Variants in SPATA46 observed in about 807,000 individuals in gnomAD.
SPATA46 encodes spermatogenesis associated 46, also known as spermatogenesis-associated protein 46.
SPATA46 carries 3 observed loss-of-function variants against 6.2 expected under a neutral mutation model. The ratio of observed to expected loss-of-function variants is 0.48; its 90% CI spans 0.22 to 1.25. The LOEUF is 1.25. Ranked by LOEUF, SPATA46 falls within the 50% of genes most tolerant of loss-of-function variation. SPATA46 has a pLI of 0.20. For synonymous variants in SPATA46, 117 were observed against 123.3 expected (o/e 0.95, Z 0.34); for missense variants, 308 against 323.5 (o/e 0.95, Z 0.37).
rs746727439 is a variant in SPATA46, at chr1:162,374,143, G to GC, written c.690dup (p.Leu231AlafsTer15). 1.9e-6 allele frequency: 3 copies of GC among 1,614,258 alleles called. No homozygotes were observed. The highest frequency in any genetic ancestry group is 2.5e-6 in the Non-Finnish European group (3 of 1,180,046). On this transcript the variant is annotated frameshift_variant, in exon 3 of 3. Coordinates refer to ENST00000367935, the MANE Select transcript of SPATA46 (RefSeq NM_182581.4). LOFTEE classifies it low-confidence loss of function (END_TRUNC). ...CTGCCGGAGGAGAGCCTGTCTCCCA[G>GC]CCGGGCCTTCTGCTCCTTGCTCCAG...
rs770389417 is a variant in SPATA46 at position 162,374,178 on chromosome 1, A to C, written c.656T>G (p.Leu219Arg). 1.2e-6 allele frequency: 2 copies of C among 1,614,190 alleles called. No homozygotes were observed. The highest frequency in any genetic ancestry group is 1.7e-6 in the Non-Finnish European group (2 of 1,180,040). ...GFSCKVYYRK[L>R]KALWSKEQKA... ...CTGCTCCTTGCTCCAGAGGGCTTTG[A>C]GCTTGCGGTAGTACACCTTGCAGCT... Residue 219 changes from leucine to arginine, a missense_variant, in exon 3 of 3, where the codon CTC (leucine) becomes CGC (arginine). By Grantham distance (102) the Leu-to-Arg change is moderately radical. Transcript: ENST00000367935.
intron 1 of SPATA46, 118 bp from the exon 2 acceptor site, chr1:162,375,521 C>T: frequency 1.3e-6 from 1 of 741,654 alleles, no homozygotes; most frequent in Non-Finnish European, 2.3e-6. Context: ...AACGCTGAAA[C>T]AGAACAGTGA....
Position 162,373,715 on chromosome 1 carries a change from C to A in SPATA46, c.*333G>T. 4.7e-6 allele frequency: 1 copy of A among 214,268 alleles called. No individual in the cohort carries two copies. The highest frequency in any genetic ancestry group is 9.2e-6 in the Non-Finnish European group (1 of 108,850). 13.3% of individuals were successfully genotyped at this position (214,268 alleles called of 1,614,324 possible). On this transcript the variant is annotated 3_prime_UTR_variant, in exon 3 of 3. Transcript: ENST00000367935. ...AGCAGTGCTTCTCACAGCTGAGCTGCATCAGAGTCACCTGGAGGGCTGGTT... is the reference window on the plus strand; with the variant it reads ...AGCAGTGCTTCTCACAGCTGAGCTGAATCAGAGTCACCTGGAGGGCTGGTT...
chr1:162,374,512 C>G lies in SPATA46; in HGVS notation c.322G>C (p.Glu108Gln), dbSNP rs1173866712. 6.2e-7 allele frequency: 1 copy of G among 1,614,238 alleles called. No individual in the cohort carries two copies. Among genetic ancestry groups the G allele is most frequent in the Admixed American group, 1.7e-5 (1 of 60,026 alleles). Residue 108 changes from glutamate (E) to glutamine (Q), a missense_variant, in exon 3 of 3, where the codon GAG becomes CAG. Physicochemically the swap from Glu to Gln is conservative, Grantham distance 29. Transcript: ENST00000367935. ...PYSYFVCADK[E>Q]SQLEAYDFPE... The stretch of plus-strand genomic sequence containing the variant: ...AAGTCATAGGCCTCCAGCTGGCTCT[C>G]TTTGTCTGCACACACGAAGTAGCTG...
chr1:162,375,786 C>G (rs987713372), intron 1 of SPATA46, among the ~76,000 whole-genome samples: 6 of 152,168 alleles, frequency 3.9e-5, no homozygotes, highest in Admixed American at 3.9e-4. Context: ...ATGTTCCATG[C>G]CCGCTTTGAG....
At position 162,373,914 on chromosome 1, in the gene SPATA46, G is replaced by T; in HGVS notation, c.*134C>A. On this transcript the variant is annotated 3_prime_UTR_variant, in exon 3 of 3. Coordinates refer to ENST00000367935, the MANE Select transcript of SPATA46 (RefSeq NM_182581.4). Reference sequence around the variant, plus strand: ...CTTTATTTTTAAAAGAGAGAAAGGGGAGGGTGTGTGCCTGGTGTTGCTAGG... The same window carrying T: ...CTTTATTTTTAAAAGAGAGAAAGGGTAGGGTGTGTGCCTGGTGTTGCTAGG... 3.7e-6 allele frequency: 3 copies of T among 812,580 alleles called. No homozygotes were observed. Among genetic ancestry groups the T allele is most frequent in the Non-Finnish European group, 5.9e-6 (3 of 511,632 alleles). 50.3% of individuals were successfully genotyped at this position (812,580 alleles called of 1,614,324 possible).
Position 162,374,351 on chromosome 1 carries a change from C to T in SPATA46, c.483G>A (p.Leu161=). Residue 161 remains leucine, a synonymous_variant, in exon 3 of 3, where the codon CTG becomes CTA. Coordinates refer to ENST00000367935, the MANE Select transcript of SPATA46 (RefSeq NM_182581.4). ...REATKKSRHG[L]DSITSQDILM... is the part of the protein sequence containing the mutation. ...GGATGTCCTGGGATGTGATGGAGTCCAGGCCATGCCTGGATTTCTTGGTGG... is the reference window on the plus strand; with the variant it reads ...GGATGTCCTGGGATGTGATGGAGTCTAGGCCATGCCTGGATTTCTTGGTGG... 6.2e-7 allele frequency: 1 copy of T among 1,614,186 alleles called. No homozygotes were observed. Among genetic ancestry groups the T allele is most frequent in the Non-Finnish European group, 8.5e-7 (1 of 1,180,026 alleles).
At position 162,374,196 on chromosome 1, in the gene SPATA46, T is replaced by C; in HGVS notation, c.638A>G (p.Lys213Arg). ...GGCTTTGAGCTTGCGGTAGTACACC[T>C]TGCAGCTGAAGCCCTCCCTGAAGCC... Reference protein sequence around the residue: ...KRGFREGFSCKVYYRKLKALW... With the variant: ...KRGFREGFSCRVYYRKLKALW... Residue 213 changes from lysine (K) to arginine (R), a missense_variant, in exon 3 of 3, where the codon AAG becomes AGG. Physicochemically the swap from Lys to Arg is conservative, Grantham distance 26. Transcript: ENST00000367935. The C allele has an allele frequency of 6.2e-7, 1 of 1,614,156 alleles. No individual in the cohort carries two copies. The highest frequency in any genetic ancestry group is 1.3e-5 in the African/African-American group (1 of 75,060).
At chr1:162,376,010 C>T (rs759482417) in intron 1 of SPATA46, among the ~76,000 whole-genome samples, 1 of 152,206 alleles carries the variant, frequency 6.6e-6, no homozygotes, top group Non-Finnish European at 1.5e-5. Flanking sequence ...CAGTACTTCT[C>T]CATTTTACTG....
chr1:162,375,443 G>A (rs776166036), intron 1 of SPATA46, 40 bp from the exon 2 acceptor site: 35 of 1,561,880 alleles, frequency 2.2e-5, no homozygotes, highest in Non-Finnish European at 2.9e-5. Context: ...GAGCAAGGTT[G>A]GGATTCCACT....
In SPATA46 at chr1:162,374,315, G is replaced by A; in HGVS notation, c.519C>T (p.Ser173=). ...CATTCTGCTGTGCTGGGTGCCACCT[G>A]GAAGCCATTAGGATGTCCTGGGATG... The part of the protein sequence containing the change: ...SITSQDILMA[S]RWHPAQQNGY... Residue 173 remains serine, a synonymous_variant, in exon 3 of 3, where the codon TCC becomes TCT. Transcript: ENST00000367935. 1 of 1,614,150 alleles carries A rather than the reference G, an allele frequency of 6.2e-7. No homozygotes were observed. The highest frequency in any genetic ancestry group is 8.5e-7 in the Non-Finnish European group (1 of 1,179,998).
In SPATA46 at chr1:162,374,414, C is replaced by T. The variant is rs1052290; in HGVS notation, c.420G>A (p.Ser140=). Residue 140 remains serine (S), a synonymous_variant, in exon 3 of 3, where the codon TCG becomes TCA. Transcript: ENST00000367935. ...AAGTGTTCTCTGGGGAGGAAGAGGA[C>T]GAACAGATGTTCTCAGCCATGTCCT... ...LSEDMAENIC[S]SSSSPENTCP... 5.8e-4 allele frequency: 940 copies of T among 1,614,206 alleles called. No individual in the cohort carries two copies. The highest frequency in any genetic ancestry group is 5.5e-4 in the Non-Finnish European group (646 of 1,180,034).
chr1:162,374,648 GGCAGGGAGCA>G, intron 2 of SPATA46, 32 bp from the exon 3 acceptor site: 2 of 1,569,702 alleles, frequency 1.3e-6, no homozygotes, highest in South Asian at 2.4e-5. Context: ...CTGAGTCTCT[GGCAGGGAGCA>G]GTGGAGCCAA....
At chr1:162,376,544 A>G (rs1647678633) in intron 1 of SPATA46, 144 bp downstream of exon 1, 2 of 815,744 alleles carry the variant, frequency 2.5e-6, no homozygotes, top group Non-Finnish European at 3.8e-6. Flanking sequence ...CCACAAATGC[A>G]GCATTTTGAA....
At chr1:162,374,975 T>C (rs564051391) in intron 2 of SPATA46, among the ~76,000 whole-genome samples, 211 of 152,262 alleles carry the variant, frequency 1.4e-3, no homozygotes, top group Non-Finnish European at 2.2e-3. Context: ...ACCGGCGGCC[T>C]CCCACAGTCC....
Position 162,375,555 on chromosome 1 carries a change from G to A in SPATA46, c.104-152C>T. 7.9e-6 allele frequency: 5 copies of A among 631,862 alleles called. No individual in the cohort carries two copies. In the South Asian group the frequency reaches 9.6e-5, roughly 12 times the overall value. 39.1% of individuals were successfully genotyped at this position (631,862 alleles called of 1,614,324 possible). ...GACCTCTCAAACTCAGCCAGGCAGAGCTATTCTGGATGACATCCTGGGGAA... is the reference window on the plus strand; with the variant it reads ...GACCTCTCAAACTCAGCCAGGCAGAACTATTCTGGATGACATCCTGGGGAA... On this transcript the variant is annotated intron_variant, in intron 1 of 2. Coordinates refer to ENST00000367935, the MANE Select transcript of SPATA46 (RefSeq NM_182581.4).
chr1:162,375,169 G>A lies in SPATA46; in HGVS notation c.217+121C>T, dbSNP rs1253389814. 27 of 795,862 alleles carry A rather than the reference G, an allele frequency of 3.4e-5. No homozygotes were observed. In the East Asian group the frequency reaches 6.7e-4, roughly 20 times the overall value. The allele number at this position is 795,862 out of a possible 1,614,324, so 49.3% of individuals were successfully genotyped here. A position where few individuals can be genotyped will look rare whatever the true frequency, so the allele number is the denominator to read the frequency against. On this transcript the variant is annotated intron_variant, in intron 2 of 2. Transcript: ENST00000367935. Reference sequence around the variant, plus strand: ...AGGAAGAAGGGCCAGATAGGAGGCTGCAGGTGACAAGACCGCGCATGGGGG... The same window carrying A: ...AGGAAGAAGGGCCAGATAGGAGGCTACAGGTGACAAGACCGCGCATGGGGG...
rs373299557 is a variant in SPATA46, at chr1:162,374,266, G to A, written c.568C>T (p.Arg190Cys). The change falls in exon 3 of 3, where the codon CGC becomes TGC. Residue 190 changes from arginine (R) to cysteine (C), a missense_variant. Coordinates refer to ENST00000367935, the MANE Select transcript of SPATA46 (RefSeq NM_182581.4). Reference protein sequence around the residue: ...QNGYKCVACCRMYPTLDFLKS... With the variant: ...QNGYKCVACCCMYPTLDFLKS... ...AGGAAGTCCAGGGTGGGGTACATGC[G>A]GCAGCAGGCCACGCACTTGTAGCCA... 4.8e-5 allele frequency: 78 copies of A among 1,613,888 alleles called. No individual in the cohort carries two copies. Among genetic ancestry groups the A allele is most frequent in the South Asian group, 4.1e-4 (37 of 91,068 alleles).
chr1:162,375,309 C>T lies in SPATA46; in HGVS notation c.198G>A (p.Gln66=), dbSNP rs371493286. Residue 66 remains glutamine (Q), a synonymous_variant, in exon 2 of 3, where the codon CAG becomes CAA. Transcript: ENST00000367935. Reference sequence around the variant, plus strand: ...CCTCACCTGGTGAGAGCGCTGTGTTCTGTATCCCTTGCCTGACAATGATGC... The same window carrying T: ...CCTCACCTGGTGAGAGCGCTGTGTTTTGTATCCCTTGCCTGACAATGATGC... ...YQSIIVRQGI[Q]NTALSPDCSL... The T allele has an allele frequency of 4.3e-6, 7 of 1,613,954 alleles. No individual in the cohort carries two copies. In the African/African-American group the frequency reaches 5.3e-5, roughly 12 times the overall value.
Sources: gnomAD v4.1 joint callset for allele counts (sites outside exome capture counted in the v4.1 genomes callset) on GRCh38, gnomAD v4.1.1 for gene constraint, MANE v1.5 for transcripts, NCBI Gene and HGNC (gene_info 2026-07-23, HGNC 2026-07-21) for gene names.